The following ARNT2 variants were observed in gnomAD, a reference collection of about 807,000 sequenced individuals.
The protein encoded by ARNT2 is aryl hydrocarbon receptor nuclear translocator 2.
A neutral mutation model predicts 91.7 loss-of-function variants in ARNT2; 36 were observed. That is an observed-to-expected ratio of 0.39 (90% confidence interval 0.30 to 0.52). The LOEUF (loss-of-function observed/expected upper bound fraction) is 0.52. ARNT2 is among the 20% of genes least tolerant of loss of function. ARNT2 has a pLI of 0.72. For synonymous variants in ARNT2, 365 were observed against 347.1 expected, an observed-to-expected ratio of 1.05 and a Z score of -0.57; for missense variants, 775 against 939.3, an observed-to-expected ratio of 0.83 and a Z score of 2.29.
intron 1 of ARNT2, among the ~76,000 whole-genome samples, chr15:80,417,812 T>C (rs745420854): frequency 3.3e-5 from 5 of 152,092 alleles, no homozygotes; most frequent in Non-Finnish European, 5.9e-5. Flanking sequence ...GGCTCCTCCG[T>C]TGGGTACTGG....
intron 8 of ARNT2, among the ~76,000 whole-genome samples, chr15:80,531,246 G>A (rs1267389937): frequency 6.6e-6 from 1 of 152,242 alleles, no homozygotes; most frequent in Admixed American, 6.5e-5. Context: ...TTTGCACAGG[G>A]TTAATGCAAT....
chr15:80,436,279 C>T (rs1220401373), intron 1 of ARNT2: 1 of 154,334 alleles, frequency 6.5e-6, no homozygotes, highest in Admixed American at 6.5e-5. Flanking sequence ...GGGGCCCACT[C>T]AATCTCAAAG....
rs1198026436 is a variant in ARNT2, at chr15:80,581,328, C to T, written c.1842C>T (p.Ser614=). 4 of 1,614,096 alleles carry T rather than the reference C, an allele frequency of 2.5e-6. No individual in the cohort carries two copies. The African/African-American group carries it at 5.3e-5, about 22-fold the overall frequency. The change falls in exon 17 of 19, where the codon AGC becomes AGT. Residue 614 remains serine (S), a synonymous_variant. Coordinates refer to ENST00000303329, the MANE Select transcript of ARNT2 (RefSeq NM_014862.4). ...ACCCGGCAGACCCCTCTTCCTACAG[C>T]CCCCTCTCCAGCCCAGCTACCTCCT... ...HTYPADPSSY[S]PLSSPATSSP...
chr15:80,451,113 CTGT>C (rs755798363), intron 2 of ARNT2, 119 bp downstream of exon 2: 344 of 1,020,804 alleles, frequency 3.4e-4, no homozygotes, highest in Non-Finnish European at 4.4e-4. Flanking sequence ...AGTTTGCATC[CTGT>C]TTAACTTTTA....
chr15:80,552,918 G>A (rs1395658897), intron 10 of ARNT2, 144 bp downstream of exon 10: 1 of 1,027,188 alleles, frequency 9.7e-7, no homozygotes, highest in Non-Finnish European at 1.4e-6. Context: ...TAGAACGATA[G>A]ATATCCTTCC....
intron 5 of ARNT2, among the ~76,000 whole-genome samples, chr15:80,485,134 T>G (rs1024731215): frequency 1.3e-5 from 2 of 152,238 alleles, no homozygotes; most frequent in Non-Finnish European, 2.9e-5. Context: ...TCCCAAACTT[T>G]CCATCTTGCC....
At chr15:80,450,367 T>C (rs534688255) in intron 1 of ARNT2, among the ~76,000 whole-genome samples, 3 of 152,334 alleles carry the variant, frequency 2.0e-5, no homozygotes, top group East Asian at 1.9e-4. Context: ...AGGGCTCAGA[T>C]ACTCAGGGCT....
In ARNT2 at chr15:80,508,372, C is replaced by A. The variant is rs969490378; in HGVS notation, c.725+114C>A. 6.4e-6 allele frequency: 6 copies of A among 941,852 alleles called. No homozygotes were observed. The African/African-American group carries it at 8.1e-5, about 13-fold the overall frequency. The allele number at this position is 941,852 out of a possible 1,614,324, so 58.3% of individuals were successfully genotyped here. ...TCACACATGCCAACGTGGGTTCACT[C>A]CAGGGACTTCGTCTTCTTGACCTCA... On this transcript the variant is annotated intron_variant, in intron 6 of 18. Transcript: ENST00000303329.
intron 8 of ARNT2, among the ~76,000 whole-genome samples, chr15:80,519,007 C>T (rs1390407429): frequency 1.3e-5 from 2 of 152,074 alleles, no homozygotes; most frequent in African/African-American, 2.4e-5. Flanking sequence ...TGTGGGGGCC[C>T]ATTTTTGTAC....
At chr15:80,528,430 C>A (rs1027615850) in intron 8 of ARNT2, among the ~76,000 whole-genome samples, 1 of 150,670 alleles carries the variant, frequency 6.6e-6, no homozygotes, top group African/African-American at 2.5e-5. Context: ...TCTATCTATC[C>A]ATCATCTATC....
In ARNT2 at chr15:80,591,537, A is replaced by G. The variant is rs1477038289; in HGVS notation, c.1919-31A>G. ...TCACAGAACCACGGGATGGCTTTTA[A>G]AGGAAGTGTCCTGTGTGTCGAATCT... On this transcript the variant is annotated intron_variant, in intron 17 of 18. Transcript: ENST00000303329. This position sits in a 1 kb window ranked among gnomAD's most constrained non-coding sequence, Gnocchi z 5.1. The G allele has an allele frequency of 6.2e-7, 1 of 1,612,330 alleles. No individual in the cohort carries two copies. The highest frequency in any genetic ancestry group is 1.3e-5 in the African/African-American group (1 of 74,998).
chr15:80,581,508 C>G, intron 17 of ARNT2, 104 bp downstream of exon 17: 2 of 1,482,754 alleles, frequency 1.3e-6, no homozygotes, highest in South Asian at 2.5e-5. Flanking sequence ...GCTACCAAAA[C>G]AAGGTCTGGA....
intron 1 of ARNT2, among the ~76,000 whole-genome samples, chr15:80,435,909 G>A (rs1279131660): frequency 2.0e-5 from 3 of 152,158 alleles, no homozygotes; most frequent in African/African-American, 4.8e-5. Context: ...TGTGTTGAAT[G>A]GCTAGTGCGT....
At chr15:80,463,740 G>A (rs1234371321) in intron 3 of ARNT2, among the ~76,000 whole-genome samples, 5 of 151,952 alleles carry the variant, frequency 3.3e-5, no homozygotes, top group Non-Finnish European at 5.9e-5. Flanking sequence ...CACCGCGCCC[G>A]GCTAATTTTT....
rs899243358 is a variant in ARNT2 at position 80,514,498 on chromosome 15, G to T, written c.877+93G>T. ...TAGAGAAGTATTCTCATAGGAATAG[G>T]TAGGAAAATATTCTTATTTTTCTTT... On this transcript the variant is annotated intron_variant, in intron 8 of 18. Coordinates refer to ENST00000303329, the MANE Select transcript of ARNT2 (RefSeq NM_014862.4). The T allele has an allele frequency of 2.8e-6, 3 of 1,071,642 alleles. No homozygotes were observed. The Admixed American group carries it at 6.1e-5, about 22-fold the overall frequency. The allele number at this position is 1,071,642 out of a possible 1,614,324, so 66.4% of individuals were successfully genotyped here. A position where few individuals can be genotyped will look rare whatever the true frequency, so the allele number is the denominator to read the frequency against.
At chr15:80,551,153 T>G (rs917140712) in intron 8 of ARNT2, 46 bp from the exon 9 acceptor site, 1 of 1,559,838 alleles carries the variant, frequency 6.4e-7, no homozygotes, top group African/African-American at 1.4e-5. Flanking sequence ...TTCTTTCCCA[T>G]TCACCTTGGG....
intron 8 of ARNT2, among the ~76,000 whole-genome samples, chr15:80,525,133 G>A (rs563993907): frequency 3.9e-5 from 6 of 152,128 alleles, no homozygotes; most frequent in East Asian, 1.9e-4. Flanking sequence ...TCATTTTTGC[G>A]AAATCAATCT....
At chr15:80,410,206 A>G (rs915913377) in intron 1 of ARNT2, among the ~76,000 whole-genome samples, 9 of 152,186 alleles carry the variant, frequency 5.9e-5, no homozygotes, top group Non-Finnish European at 8.8e-5. Flanking sequence ...TTTGAGTTAT[A>G]CTGGGGGCAG....
At chr15:80,447,101 T>A (rs2141378114) in intron 1 of ARNT2, among the ~76,000 whole-genome samples, 1 of 152,256 alleles carries the variant, frequency 6.6e-6, no homozygotes, top group East Asian at 1.9e-4. Flanking sequence ...AACATATTAG[T>A]GTGTTTCTAT....
Sources: allele counts gnomAD v4.1 joint callset (sites outside exome capture counted in the v4.1 genomes callset), GRCh38; gene constraint gnomAD v4.1.1; non-coding constraint Gnocchi (gnomAD v3.1); transcripts MANE v1.5; gene names NCBI Gene and HGNC (gene_info 2026-07-23, HGNC 2026-07-21).